SMARCB1: variants seen among roughly 807,000 people sequenced by gnomAD.
SMARCB1 encodes the protein SWI/SNF related BAF chromatin remodeling complex subunit B1, also known as SWI/SNF-related matrix-associated actin-dependent regulator of chromatin subfamily B member 1.
In SMARCB1, 5 loss-of-function variants were observed where a neutral mutation model predicts 49.0. The observed-to-expected ratio is 0.10, with a 90% CI of 0.05 to 0.21. The LOEUF is 0.21. SMARCB1 is among the 10% of genes least tolerant of loss of function. The pLI is 1.00. For missense variants in SMARCB1, 226 were observed against 509.2 expected, an observed-to-expected ratio of 0.44 and a Z score of 5.35; for synonymous variants, 201 against 200.1, an observed-to-expected ratio of 1.00 and a Z score of -0.04.
At position 23,835,823 on chromosome 22, in the gene SMARCB1, G is replaced by A; in HGVS notation, c.*1643G>A. 1 of 985,452 alleles carries A rather than the reference G, an allele frequency of 1.0e-6. No individual in the cohort carries two copies. Among genetic ancestry groups the A allele is most frequent in the Non-Finnish European group, 1.2e-6 (1 of 829,970 alleles). 61.0% of individuals were successfully genotyped at this position (985,452 alleles called of 1,614,324 possible). A position where few individuals can be genotyped will look rare whatever the true frequency, so the allele number is the denominator to read the frequency against. On this transcript the variant is annotated 3_prime_UTR_variant, in exon 9 of 9. Transcript: ENST00000644036. ...TTGGCTGCCTCACCCCACAGGTCGG[G>A]CAGGGCCACCTGGCTGGGAGGTGCC...
intron 5 of SMARCB1, among the ~76,000 whole-genome samples, chr22:23,812,865 ATTT>A (rs34368167): frequency 7.3e-6 from 1 of 137,796 alleles, no homozygotes. Flanking sequence ...TCCTGTTGCT[ATTT>A]TTTTTTTTTT....
Position 23,799,679 on chromosome 22 carries a change from A to ATTTTTTTTTTTTTTTTT in SMARCB1, c.363-1258_363-1242dup, listed in dbSNP as rs71184912. 1.2e-3 allele frequency among the ~76,000 whole-genome samples: 82 copies of ATTTTTTTTTTTTTTTTT among 68,414 alleles called. 7 individuals carry two copies. Among genetic ancestry groups the ATTTTTTTTTTTTTTTTT allele is most frequent in the Admixed American group, 1.4e-3 (7 of 5,160 alleles). 44.9% of individuals were successfully genotyped at this position (68,414 alleles called of 152,430 possible). ...AGGTTCCTGCCATCACACCTGGCTA[A>ATTTTTTTTTTTTTTTTT]TTTTTTTTTTTTTTTTTTTTTTTGA... On this transcript the variant is annotated intron_variant, in intron 3 of 8. Transcript: ENST00000644036.
intron 1 of SMARCB1, 125 bp from the exon 2 acceptor site, chr22:23,791,631 A>C: frequency 2.3e-6 from 2 of 886,282 alleles, no homozygotes; most frequent in Admixed American, 1.7e-5. Flanking sequence ...ATGCTGCCGA[A>C]AGCGTGGCGC....
At chr22:23,794,586 A>G (rs989898592) in intron 3 of SMARCB1, among the ~76,000 whole-genome samples, 3 of 152,040 alleles carry the variant, frequency 2.0e-5, no homozygotes, top group East Asian at 1.9e-4. Context: ...AGAAACAACA[A>G]TAGATTTGAA....
chr22:23,825,325 C>G lies in SMARCB1; in HGVS notation c.896C>G (p.Ser299Trp). 1 of 1,614,140 alleles carries G rather than the reference C, an allele frequency of 6.2e-7. No homozygotes were observed. Among genetic ancestry groups the G allele is most frequent in the Non-Finnish European group, 8.5e-7 (1 of 1,179,990 alleles). ...SPEKFALKLC[S>W]ELGLGGEFVT... ...GAGAAGTTTGCCCTGAAGCTGTGCT[C>G]GGAGCTGGGGTTGGGCGGGGAGTTT... is the stretch of plus-strand genomic sequence containing the variant. Residue 299 changes from serine to tryptophan, a missense_variant, in exon 7 of 9, where the codon TCG becomes TGG. Physicochemically the swap from Ser to Trp is radical, Grantham distance 177 (BLOSUM62 -3). Coordinates refer to ENST00000644036, the MANE Select transcript of SMARCB1 (RefSeq NM_003073.5).
At chr22:23,814,056 C>G (rs1326691629) in intron 5 of SMARCB1, among the ~76,000 whole-genome samples, 2 of 152,090 alleles carry the variant, frequency 1.3e-5, no homozygotes, top group African/African-American at 4.8e-5. Context: ...TCTCAAACTC[C>G]TGAGCTCAGG....
At chr22:23,822,841 G>T (rs558017213) in intron 6 of SMARCB1, among the ~76,000 whole-genome samples, 8 of 150,350 alleles carry the variant, frequency 5.3e-5, no homozygotes, top group Non-Finnish European at 7.4e-5. Flanking sequence ...GACTTCTGAG[G>T]CCAGCCTGGA....
At chr22:23,794,419 A>G (rs1928614265) in intron 3 of SMARCB1, among the ~76,000 whole-genome samples, 1 of 152,208 alleles carries the variant, frequency 6.6e-6, no homozygotes, top group South Asian at 2.1e-4. Context: ...ACAGTGGCTT[A>G]TGTTTGTAAT....
At chr22:23,789,155 A>G (rs1928209466) in intron 1 of SMARCB1, among the ~76,000 whole-genome samples, 1 of 152,200 alleles carries the variant, frequency 6.6e-6, no homozygotes, top group South Asian at 2.1e-4. Context: ...GGCCTCCACT[A>G]ATTTTTATAA....
intron 3 of SMARCB1, among the ~76,000 whole-genome samples, chr22:23,794,094 G>A (rs1223340797): frequency 1.5e-4 from 23 of 152,182 alleles, no homozygotes; most frequent in Non-Finnish European, 3.2e-4. Context: ...ACAGGCATGC[G>A]CCACCACGCC....
At position 23,837,778 on chromosome 22, in the gene SMARCB1, C is replaced by T. The variant is rs769361729; in HGVS notation, c.*3598C>T. ...GAAGTTGACCCTCACCCGAGGGCTG[C>T]GGCGGCTCCACACGTACACCAGCAT... On this transcript the variant is annotated 3_prime_UTR_variant, in exon 9 of 9. Coordinates refer to ENST00000644036, the MANE Select transcript of SMARCB1 (RefSeq NM_003073.5). 3 of 1,613,808 alleles carry T rather than the reference C, an allele frequency of 1.9e-6. No individual in the cohort carries two copies. The highest frequency in any genetic ancestry group is 3.3e-5 in the Admixed American group (2 of 60,002).
chr22:23,797,855 G>A (rs140715963), intron 3 of SMARCB1, among the ~76,000 whole-genome samples: 5,408 of 151,794 alleles, frequency 0.036, 152 homozygotes, highest in East Asian at 0.12. Context: ...CTGACCTCAG[G>A]TGATCCGTCC....
chr22:23,809,613 G>C (rs1415181707), intron 5 of SMARCB1, among the ~76,000 whole-genome samples: 1 of 151,628 alleles, frequency 6.6e-6, no homozygotes, highest in Non-Finnish European at 1.5e-5. Context: ...GGGTTTCACT[G>C]TGTTAGCCAG....
chr22:23,788,965 TCA>T (rs1170740187), intron 1 of SMARCB1, among the ~76,000 whole-genome samples: 1 of 151,992 alleles, frequency 6.6e-6, no homozygotes, highest in Non-Finnish European at 1.5e-5. Context: ...TCCTCCCACC[TCA>T]GTCTCCCAAG....
chr22:23,830,649 CTTTTTTTTTTTTTTT>C (rs56800497), intron 7 of SMARCB1, among the ~76,000 whole-genome samples: 3 of 95,446 alleles, frequency 3.1e-5, no homozygotes, highest in South Asian at 4.3e-4. Flanking sequence ...TCCAATTTAT[CTTTTTTTTTTTTTTT>C]TTTTTTTTTT....
intron 3 of SMARCB1, among the ~76,000 whole-genome samples, chr22:23,798,395 C>T (rs1928909180): frequency 6.6e-6 from 1 of 152,054 alleles, no homozygotes; most frequent in South Asian, 2.1e-4. Flanking sequence ...GAGACCCCAC[C>T]ATCTCTATAA....
At chr22:23,826,876 C>T (rs939570968) in intron 7 of SMARCB1, among the ~76,000 whole-genome samples, 7 of 152,236 alleles carry the variant, frequency 4.6e-5, no homozygotes, top group African/African-American at 1.7e-4. Flanking sequence ...ATCCTGTGAC[C>T]TGCCCCCCAG....
intron 5 of SMARCB1, among the ~76,000 whole-genome samples, chr22:23,807,523 C>T (rs559484638): frequency 5.0e-4 from 76 of 151,654 alleles, no homozygotes; most frequent in East Asian, 1.2e-3. Context: ...TTCAGTGAGC[C>T]GTGATTGAGC....
In SMARCB1 at chr22:23,787,275, G is replaced by GCGTTCTCGCCCTCCCCGGGCT; in HGVS notation, c.93+16_93+36dup. 1 of 1,544,476 alleles carries GCGTTCTCGCCCTCCCCGGGCT rather than the reference G, an allele frequency of 6.5e-7. No homozygotes were observed. The highest frequency in any genetic ancestry group is 8.9e-7 in the Non-Finnish European group (1 of 1,126,654). On this transcript the variant is annotated intron_variant, in intron 1 of 8. Transcript: ENST00000644036. ...GATCGGCTCCGAGGTAGCCCGGGGCGCGTTCTCGCCCTCCCCGGGCTCGGC... is the reference window on the plus strand; with the variant it reads ...GATCGGCTCCGAGGTAGCCCGGGGCGCGTTCTCGCCCTCCCCGGGCTCGTTCTCGCCCTCCCCGGGCTCGGC...
Sources: allele counts gnomAD v4.1 joint callset (sites outside exome capture counted in the v4.1 genomes callset), GRCh38; gene constraint gnomAD v4.1.1; transcripts MANE v1.5; gene names NCBI Gene and HGNC (gene_info 2026-07-23, HGNC 2026-07-21).